FARP1: variants seen among roughly 807,000 people sequenced by gnomAD.
FARP1 encodes the protein FERM, ARHGEF and pleckstrin domain-containing protein 1.
Under a neutral mutation model 128.8 loss-of-function variants are expected in FARP1, and 52 were observed. That is an observed-to-expected ratio of 0.40 (90% CI 0.32 to 0.51). The LOEUF is 0.51. Among genes scored for constraint, FARP1 ranks in the 20% least tolerant of loss-of-function variants. The pLI is 0.45. For synonymous variants in FARP1, 580 were observed against 551.8 expected, an observed-to-expected ratio of 1.05 and a Z score of -0.72; for missense variants, 1,333 against 1,367.9, an observed-to-expected ratio of 0.97 and a Z score of 0.40.
intron 13 of FARP1, chr13:98,396,330 A>T: frequency 2.5e-6 from 1 of 399,202 alleles, no homozygotes. Flanking sequence ...CCAGTGAGTC[A>T]GACTCTGAGA....
intron 2 of FARP1, chr13:98,332,912 A>G (rs1268303816): frequency 6.6e-6 from 1 of 152,200 alleles, no homozygotes. Context: ...GAGTCACGGG[A>G]CTAAGTTCAA....
chr13:98,401,086 T>C (rs1171456537), intron 13 of FARP1: 1 of 152,198 alleles, frequency 6.6e-6, no homozygotes, highest in Non-Finnish European at 1.5e-5. Flanking sequence ...ATGGTAGCTC[T>C]CTGATGAGTT....
At chr13:98,193,120 C>G (rs565972993) in intron 1 of FARP1, among the ~76,000 whole-genome samples, 1 of 150,776 alleles carries the variant, frequency 6.6e-6, no homozygotes, top group Admixed American at 6.6e-5. Context: ...TGCAGTGGTG[C>G]AATCTAGGCT....
chr13:98,294,088 T>A (rs1302574808), intron 2 of FARP1, among the ~76,000 whole-genome samples: 3 of 152,230 alleles, frequency 2.0e-5, no homozygotes, highest in Non-Finnish European at 2.9e-5. Flanking sequence ...CTAACCAAGC[T>A]GATCAGTCAT....
chr13:98,144,314 G>A (rs1172251604), intron 1 of FARP1, among the ~76,000 whole-genome samples: 2 of 152,094 alleles, frequency 1.3e-5, no homozygotes, highest in Non-Finnish European at 2.9e-5. Context: ...GTTGGGGATC[G>A]AGTAGGGTTC....
intron 1 of FARP1, chr13:98,208,477 C>CAAA (rs60575077): frequency 3.8e-5 from 5 of 131,850 alleles, no homozygotes; most frequent in African/African-American, 2.8e-5. Flanking sequence ...GACTCCATCT[C>CAAA]AAAAAAAAAA....
chr13:98,363,657 C>G (rs1342065846), intron 3 of FARP1, among the ~76,000 whole-genome samples: 1 of 152,188 alleles, frequency 6.6e-6, no homozygotes, highest in African/African-American at 2.4e-5. Flanking sequence ...CGGGCCAGTC[C>G]TAAACTGTGT....
At chr13:98,415,747 C>A (rs1361748621) in intron 16 of FARP1, among the ~76,000 whole-genome samples, 3 of 152,288 alleles carry the variant, frequency 2.0e-5, no homozygotes. Context: ...TACTGACTGA[C>A]AGACTGCGCA....
At chr13:98,289,226 G>A (rs1228559639) in intron 2 of FARP1, among the ~76,000 whole-genome samples, 1 of 152,068 alleles carries the variant, frequency 6.6e-6, no homozygotes, top group Non-Finnish European at 1.5e-5. Flanking sequence ...ACATTAATCC[G>A]ATCATACCTT....
chr13:98,341,332 G>A (rs554567449), intron 2 of FARP1, among the ~76,000 whole-genome samples: 36 of 152,112 alleles, frequency 2.4e-4, no homozygotes, highest in African/African-American at 8.0e-4. Context: ...GAGGTGAGAA[G>A]TATAAAACAA....
chr13:98,409,320 C>T lies in FARP1; in HGVS notation c.1415-18C>T, dbSNP rs773576222. 5.8e-6 allele frequency: 9 copies of T among 1,544,318 alleles called. No homozygotes were observed. The highest frequency in any genetic ancestry group is 2.0e-5 in the Admixed American group (1 of 49,422). On this transcript the variant is annotated intron_variant, in intron 13 of 26. Transcript: ENST00000319562. ...AAAATTACTTTTTTTTTCTTTAAAACTTCTCATCCCCAAACAGGCTCCCTG... is the reference window on the plus strand; with the variant it reads ...AAAATTACTTTTTTTTTCTTTAAAATTTCTCATCCCCAAACAGGCTCCCTG...
At chr13:98,424,823 G>A (rs561608738) in intron 17 of FARP1, among the ~76,000 whole-genome samples, 173 bp downstream of exon 17, 1 of 152,134 alleles carries the variant, frequency 6.6e-6, no homozygotes, top group African/African-American at 2.4e-5. Context: ...GGACGGCTTT[G>A]AATGTGGCCC....
intron 2 of FARP1, among the ~76,000 whole-genome samples, chr13:98,271,627 G>T (rs1472610773): frequency 6.6e-6 from 1 of 151,984 alleles, no homozygotes; most frequent in Non-Finnish European, 1.5e-5. Context: ...TGTTCTCATT[G>T]TTCAGCTCCC....
At chr13:98,318,182 G>A (rs1388769485) in intron 2 of FARP1, among the ~76,000 whole-genome samples, 1 of 150,166 alleles carries the variant, frequency 6.7e-6, no homozygotes, top group African/African-American at 2.4e-5. Flanking sequence ...GAGCTTCCCA[G>A]GTAGCTGTGA....
intron 3 of FARP1, among the ~76,000 whole-genome samples, chr13:98,363,457 C>T (rs1015750827): frequency 3.9e-5 from 6 of 152,164 alleles, no homozygotes; most frequent in African/African-American, 1.4e-4. Context: ...GCTAGCCAGT[C>T]CTTAGAGCTA....
At chr13:98,279,495 G>A (rs1268082942) in intron 2 of FARP1, among the ~76,000 whole-genome samples, 1 of 152,186 alleles carries the variant, frequency 6.6e-6, no homozygotes, top group Non-Finnish European at 1.5e-5. Flanking sequence ...AAATGTTCTG[G>A]GCTTCTGCTG....
rs1890413848 is a variant in FARP1, at chr13:98,394,008, G to T, written c.1164+290G>T. Reference sequence around the variant, plus strand: ...GCTCAGCGGCGGAACCATCGCGGCAGTGGGCAGAGCTGAGACTGACTCTCC... The same window carrying T: ...GCTCAGCGGCGGAACCATCGCGGCATTGGGCAGAGCTGAGACTGACTCTCC... On this transcript the variant is annotated intron_variant, in intron 12 of 26. Transcript: ENST00000319562. Among the ~76,000 whole-genome samples, 3 of 152,360 alleles carry T rather than the reference G, an allele frequency of 2.0e-5. 1 individual carries two copies. Among genetic ancestry groups the T allele is most frequent in the African/African-American group, 7.2e-5 (3 of 41,586 alleles).
chr13:98,431,248 C>G lies in FARP1; in HGVS notation c.2111C>G (p.Pro704Arg). 6.3e-7 allele frequency: 1 copy of G among 1,578,782 alleles called. No individual in the cohort carries two copies. The highest frequency in any genetic ancestry group is 8.6e-7 in the Non-Finnish European group (1 of 1,163,850). The change falls in exon 18 of 27, where the codon CCG becomes CGG. Residue 704 changes from proline to arginine, a missense_variant. Transcript: ENST00000319562. ...CTGGAGCGGCTGTGCAAACACCACC[C>G]GCCGAGCCACGCCGACTTCAGGGAC... Reference protein sequence around the residue: ...QVLERLCKHHPPSHADFRDCR... With the variant: ...QVLERLCKHHRPSHADFRDCR...
intron 2 of FARP1, among the ~76,000 whole-genome samples, chr13:98,248,950 C>A (rs1400491643): frequency 1.1e-4 from 17 of 152,066 alleles, no homozygotes; most frequent in Admixed American, 1.1e-3. Context: ...TTCATTTAGG[C>A]ATAAGTTCTA....
Sources: allele counts gnomAD v4.1 joint callset (sites outside exome capture counted in the v4.1 genomes callset), GRCh38; gene constraint gnomAD v4.1.1; transcripts MANE v1.5; gene names NCBI Gene and HGNC (gene_info 2026-07-23, HGNC 2026-07-21).